DISP3: variants seen among roughly 807,000 people sequenced by gnomAD.
DISP3 encodes protein dispatched homolog 3.
Under a neutral mutation model 135.3 loss-of-function variants are expected in DISP3, and 101 were observed. The observed-to-expected ratio is 0.75, with a 90% CI of 0.64 to 0.88. The LOEUF (loss-of-function observed/expected upper bound fraction) is 0.88, where lower values mean the gene tolerates loss of function less well. DISP3 is among the 40% of genes least tolerant of loss of function. The pLI, the probability that DISP3 is intolerant of heterozygous loss-of-function variation, is 0.00. For synonymous variants in DISP3, 856 were observed against 817.0 expected, an observed-to-expected ratio of 1.05 and a Z score of -0.81; for missense variants, 1,713 against 1,878.6, an observed-to-expected ratio of 0.91 and a Z score of 1.63.
At chr1:11,484,578 A>T (rs1206888458) in intron 1 of DISP3, among the ~76,000 whole-genome samples, 1 of 152,186 alleles carries the variant, frequency 6.6e-6, no homozygotes, top group African/African-American at 2.4e-5. Context: ...AGGGGAGAGA[A>T]GATGCTGGAG....
chr1:11,528,718 T>G (rs879718113), intron 13 of DISP3, among the ~76,000 whole-genome samples: 48 of 152,336 alleles, frequency 3.2e-4, no homozygotes, highest in Non-Finnish European at 5.6e-4. Flanking sequence ...CGGGGCTCGG[T>G]GACACACAGG....
chr1:11,504,776 A>T (rs975736606), intron 3 of DISP3, among the ~76,000 whole-genome samples: 1 of 152,206 alleles, frequency 6.6e-6, no homozygotes, highest in Non-Finnish European at 1.5e-5. Context: ...AGCCAATGCC[A>T]TGCTGTTGAA....
chr1:11,482,173 C>T (rs1360085596), intron 1 of DISP3, among the ~76,000 whole-genome samples: 3 of 152,272 alleles, frequency 2.0e-5, no homozygotes, highest in East Asian at 3.9e-4. Flanking sequence ...TCCTCAAAGG[C>T]GGTGGATGGA....
chr1:11,529,937 A>G lies in DISP3; in HGVS notation c.3080A>G (p.Asp1027Gly). ...IIGVNRTRQVDNHVIGDPGSV... is the reference protein window; with the variant it reads ...IIGVNRTRQVGNHVIGDPGSV... ...GGCGTCAACCGCACTCGGCAGGTGG[A>G]CAACCACGTCATTGGAGACCCGGTA... The change falls in exon 15 of 21, where the codon GAC (aspartate) becomes GGC (glycine). Residue 1027 changes from aspartate (D) to glycine (G), a missense_variant. Physicochemically the swap from Asp to Gly is moderately conservative, Grantham distance 94. Coordinates refer to ENST00000294484, the MANE Select transcript of DISP3 (RefSeq NM_020780.2). The surrounding 1 kb of genome is among the most constrained non-coding windows in gnomAD (Gnocchi z 4.7). 6.2e-7 allele frequency: 1 copy of G among 1,613,484 alleles called. No homozygotes were observed. The highest frequency in any genetic ancestry group is 8.5e-7 in the Non-Finnish European group (1 of 1,180,000).
intron 3 of DISP3, among the ~76,000 whole-genome samples, chr1:11,503,463 C>G (rs1303811374): frequency 6.6e-6 from 1 of 152,270 alleles, no homozygotes; most frequent in African/African-American, 2.4e-5. Context: ...CGTTCAAGAC[C>G]AAAGGCCTGG....
In DISP3 at chr1:11,520,778, C is replaced by G; in HGVS notation, c.2292C>G (p.Thr764=). 1 of 1,613,592 alleles carries G rather than the reference C, an allele frequency of 6.2e-7. No individual in the cohort carries two copies. The highest frequency in any genetic ancestry group is 1.3e-5 in the African/African-American group (1 of 75,072). The change falls in exon 10 of 21, where the codon ACC becomes ACG. Residue 764 remains threonine (T), a synonymous_variant. Transcript: ENST00000294484. The surrounding 1 kb of genome is among the most constrained non-coding windows in gnomAD (Gnocchi z 4.8). ...CCCCGCTACTCTTCCGGCCTGATAC[C>G]AACATCCAGGTGCTGCTGGACCTCA... is the stretch of plus-strand genomic sequence containing the variant. ...SRAPLLFRPD[T]NIQVLLDLKY...
intron 10 of DISP3, among the ~76,000 whole-genome samples, chr1:11,522,650 G>GACCCAGCCAGGACCCAGCCAGA (rs1642247976): frequency 8.8e-5 from 4 of 45,220 alleles, no homozygotes; most frequent in Non-Finnish European, 1.4e-4. Flanking sequence ...GCCCAGCCAG[G>GACCCAGCCAGGACCCAGCCAGA]GCCCAGCCAG....
chr1:11,534,679 G>A (rs1642661238), intron 18 of DISP3, 139 bp downstream of exon 18: 4 of 1,192,740 alleles, frequency 3.4e-6, no homozygotes, highest in Admixed American at 2.6e-5. Context: ...CGGTGGCTGG[G>A]ACATTGATCA....
chr1:11,492,577 T>TA (rs1641219631), intron 1 of DISP3, among the ~76,000 whole-genome samples: 1 of 152,086 alleles, frequency 6.6e-6, no homozygotes, highest in Non-Finnish European at 1.5e-5. Context: ...CCTGGGCTTC[T>TA]AATAATAAGC....
chr1:11,526,840 CAG>C lies in DISP3; in HGVS notation c.2798+8_2798+9del. The C allele has an allele frequency of 1.3e-6, 2 of 1,594,594 alleles. No homozygotes were observed. The highest frequency in any genetic ancestry group is 1.7e-6 in the Non-Finnish European group (2 of 1,174,668). On this transcript the variant is annotated splice_donor_region_variant and intron_variant, in intron 13 of 20. Transcript: ENST00000294484. ...CAAGGAGCAGCAGCACACCCGGTAA[CAG>C]AGCCTGGCAGACAAGCCGGTGCCCA...
chr1:11,495,352 T>C (rs966568261), intron 1 of DISP3, among the ~76,000 whole-genome samples: 1 of 151,942 alleles, frequency 6.6e-6, no homozygotes, highest in Non-Finnish European at 1.5e-5. Flanking sequence ...GATCGCACCA[T>C]TGCACTCCAG....
intron 3 of DISP3, among the ~76,000 whole-genome samples, chr1:11,511,100 G>T (rs1012307421): frequency 2.0e-5 from 3 of 152,200 alleles, no homozygotes; most frequent in Admixed American, 1.3e-4. Flanking sequence ...CAACACATGG[G>T]AATTCTGGGA....
chr1:11,527,890 C>A (rs1387994823), intron 13 of DISP3, among the ~76,000 whole-genome samples: 1 of 152,218 alleles, frequency 6.6e-6, no homozygotes, highest in Non-Finnish European at 1.5e-5. Flanking sequence ...TCCAGCCTCT[C>A]TCCATACGTC....
rs911891744 is a variant in DISP3 at position 11,491,929 on chromosome 1, C to T, written c.-3-9061C>T. Among the ~76,000 whole-genome samples the T allele has an allele frequency of 8.6e-5, 13 of 151,142 alleles. No individual in the cohort carries two copies. The highest frequency in any genetic ancestry group is 1.2e-4 in the Non-Finnish European group (8 of 67,798). On this transcript the variant is annotated intron_variant, in intron 1 of 20. Transcript: ENST00000294484. The surrounding 1 kb of genome is among the most constrained non-coding windows in gnomAD (Gnocchi z 4.3). The stretch of plus-strand genomic sequence containing the variant: ...CGAGGTCAGGAGATCGAGACCATCC[C>T]GGCTAAAACGGTGAAACCCCGTCTC...
At position 11,516,112 on chromosome 1, in the gene DISP3, T is replaced by C; in HGVS notation, c.1700T>C (p.Phe567Ser). Residue 567 changes from phenylalanine (F) to serine (S), a missense_variant, in exon 6 of 21, where the codon TTC becomes TCC. Physicochemically the swap from Phe to Ser is radical, Grantham distance 155. Coordinates refer to ENST00000294484, the MANE Select transcript of DISP3 (RefSeq NM_020780.2). This position sits in a 1 kb window ranked among gnomAD's most constrained non-coding sequence, Gnocchi z 5.1. ...TVQTAGKATF[F>S]TSLTTAAAYA... ...CAAACTGCAGGCAAGGCCACCTTCT[T>C]CACCTCCCTGACCACAGCCGCCGCC... 4 of 1,614,146 alleles carry C rather than the reference T, an allele frequency of 2.5e-6. No homozygotes were observed. The highest frequency in any genetic ancestry group is 3.4e-6 in the Non-Finnish European group (4 of 1,180,006).
At position 11,535,586 on chromosome 1, in the gene DISP3, T is replaced by C. The variant is rs1287093627; in HGVS notation, c.3758T>C (p.Val1253Ala). 6.2e-7 allele frequency: 1 copy of C among 1,613,256 alleles called. No individual in the cohort carries two copies. Among genetic ancestry groups the C allele is most frequent in the Non-Finnish European group, 8.5e-7 (1 of 1,179,892 alleles). Residue 1253 changes from valine (V) to alanine (A), a missense_variant, in exon 20 of 21, where the codon GTC (valine) becomes GCC (alanine). Physicochemically the swap from Val to Ala is moderately conservative, Grantham distance 64. Around this residue, in one of 2 missense-constraint regions of DISP3, gnomAD observed 1,142 missense variants for 1,384.6 expected, o/e 0.82. Coordinates refer to ENST00000294484, the MANE Select transcript of DISP3 (RefSeq NM_020780.2). ...GTTGGCTCCTCCGTGGATTACTGCG[T>C]CCACCTGGTCGAGGGCTACCTGCTG... ...ILVGSSVDYCVHLVEGYLLAG... is the reference protein window; with the variant it reads ...ILVGSSVDYCAHLVEGYLLAG...
chr1:11,530,000 G>GCAA lies in DISP3; in HGVS notation c.3102+44_3102+46dup, dbSNP rs780066162. ...CGGGCAGATGCCGAGGGCCCCAGCT[G>GCAA]CAACAGTCTTGCAAATAAGCACCTG... is the stretch of plus-strand genomic sequence containing the variant. On this transcript the variant is annotated intron_variant, in intron 15 of 20. Transcript: ENST00000294484. The surrounding 1 kb of genome is among the most constrained non-coding windows in gnomAD (Gnocchi z 4.7). The GCAA allele has an allele frequency of 1.9e-6, 3 of 1,595,942 alleles. No homozygotes were observed. In the South Asian group the frequency reaches 3.3e-5, roughly 18 times the overall value.
intron 5 of DISP3, 101 bp downstream of exon 5, chr1:11,515,604 A>C (rs1462456248): frequency 6.8e-7 from 1 of 1,470,314 alleles, no homozygotes; most frequent in Admixed American, 2.4e-5. Flanking sequence ...TGGGGGCTCT[A>C]CACAGCGCCT....
intron 10 of DISP3, among the ~76,000 whole-genome samples, chr1:11,522,977 C>CGGACCCAGCT (rs1642290196): frequency 1.3e-5 from 2 of 150,718 alleles, no homozygotes; most frequent in African/African-American, 4.9e-5. Flanking sequence ...AGGACCCAGC[C>CGGACCCAGCT]GGAGCCCAGC....
Sources: gnomAD v4.1 joint callset for allele counts (sites outside exome capture counted in the v4.1 genomes callset) on GRCh38, gnomAD v4.1.1 for gene constraint, gnomAD v4.1.1 regional missense constraint, Gnocchi (gnomAD v3.1) non-coding constraint, MANE v1.5 for transcripts, NCBI Gene and HGNC (gene_info 2026-07-23, HGNC 2026-07-21) for gene names.